PUM3: variants seen among roughly 807,000 people sequenced by gnomAD.
PUM3 encodes the protein pumilio RNA binding family member 3.
PUM3 carries 91 observed loss-of-function variants against 84.0 expected under a neutral mutation model. The ratio of observed to expected loss-of-function variants is 1.08; its 90% CI spans 0.91 to 1.29. PUM3 has a LOEUF of 1.29. PUM3 is among the 50% of genes most tolerant of loss of function. The pLI is 0.00. For synonymous variants in PUM3, 321 were observed against 266.7 expected (o/e 1.20, Z -1.98); for missense variants, 1,067 against 767.5 (o/e 1.39, Z -4.61).
rs1321387772 is a variant in PUM3, at chr9:2,833,387, C to T, written c.486G>A (p.Leu162=). 3 of 1,593,692 alleles carry T rather than the reference C, an allele frequency of 1.9e-6. No individual in the cohort carries two copies. The African/African-American group carries it at 4.0e-5, about 21-fold the overall frequency. Residue 162 remains leucine (L), a synonymous_variant, in exon 5 of 18, where the codon TTG becomes TTA. Coordinates refer to ENST00000397885, the MANE Select transcript of PUM3 (RefSeq NM_014878.5). ...TAATTTTCCCTTGAATCAACTTCTG[C>T]AAATCACTCATTAACTTTACTCTTT... The part of the protein sequence containing the change: ...KEKRVKLMSD[L]QKLIQGKIKT...
intron 13 of PUM3, among the ~76,000 whole-genome samples, chr9:2,815,512 T>C (rs889341683): frequency 6.6e-6 from 1 of 152,222 alleles, no homozygotes; most frequent in Non-Finnish European, 1.5e-5. Flanking sequence ...GTTCAAGCTG[T>C]GTAGCCTTTG....
At chr9:2,810,294 T>TA (rs1424969617) in intron 16 of PUM3, 50 bp downstream of exon 16, 1 of 1,218,166 alleles carries the variant, frequency 8.2e-7, no homozygotes, top group Non-Finnish European at 1.2e-6. Context: ...TGCCAGGAAT[T>TA]ACTGGAATTC....
chr9:2,811,070 C>T (rs560005988), intron 15 of PUM3, among the ~76,000 whole-genome samples: 1 of 152,298 alleles, frequency 6.6e-6, no homozygotes, highest in African/African-American at 2.4e-5. Flanking sequence ...ATCCATGGCC[C>T]ACTTCTCTTC....
intron 10 of PUM3, 22 bp downstream of exon 10, chr9:2,827,051 A>G (rs1815840528): frequency 6.3e-7 from 1 of 1,593,722 alleles, no homozygotes; most frequent in Non-Finnish European, 8.6e-7. Context: ...TTTTAGTTTA[A>G]AAACAAAAAC....
At chr9:2,830,051 C>A in intron 7 of PUM3, 103 bp from the exon 8 acceptor site, 1 of 971,162 alleles carries the variant, frequency 1.0e-6, no homozygotes, top group South Asian at 1.6e-5. Context: ...CAATCTGTGT[C>A]ACTCTGAGGA....
intron 12 of PUM3, among the ~76,000 whole-genome samples, chr9:2,820,660 C>A (rs1202631783): frequency 1.3e-5 from 2 of 151,936 alleles, no homozygotes; most frequent in South Asian, 2.1e-4. Context: ...TGCTCAATTT[C>A]TTTAAAGTGA....
chr9:2,813,509 G>T (rs564657475), intron 13 of PUM3, among the ~76,000 whole-genome samples: 157 of 152,322 alleles, frequency 1.0e-3, no homozygotes, highest in Non-Finnish European at 1.8e-3. Flanking sequence ...TCTGCCAGGG[G>T]ACTCACAGTG....
Position 2,804,291 on chromosome 9 carries a change from A to G in PUM3, c.*40T>C. On this transcript the variant is annotated 3_prime_UTR_variant, in exon 18 of 18. Coordinates refer to ENST00000397885, the MANE Select transcript of PUM3 (RefSeq NM_014878.5). ...TCTGCATTGGGAAACAGAACAGAGA[A>G]CAGAAAAAATCATTCCATCTTGCTC... 1 of 1,599,738 alleles carries G rather than the reference A, an allele frequency of 6.3e-7. No homozygotes were observed. Among genetic ancestry groups the G allele is most frequent in the Non-Finnish European group, 8.5e-7 (1 of 1,173,464 alleles).
chr9:2,830,227 T>C (rs1162732702), intron 7 of PUM3, among the ~76,000 whole-genome samples: 1 of 152,174 alleles, frequency 6.6e-6, no homozygotes, highest in Non-Finnish European at 1.5e-5. Context: ...CTTTTGAAGA[T>C]GGGACTTAAT....
intron 1 of PUM3, among the ~76,000 whole-genome samples, chr9:2,842,540 G>C (rs771129371): frequency 3.9e-5 from 6 of 152,228 alleles, no homozygotes; most frequent in Middle Eastern, 6.8e-3. Context: ...TTCAAATTCA[G>C]TTTAAATGAC....
In PUM3 at chr9:2,837,233, G is replaced by C. The variant is rs201936048; in HGVS notation, c.251C>G (p.Pro84Arg). The change falls in exon 3 of 18, where the codon CCG becomes CGG. Residue 84 changes from proline (P) to arginine (R), a missense_variant. Pro to Arg is a moderately radical substitution (Grantham distance 103). Coordinates refer to ENST00000397885, the MANE Select transcript of PUM3 (RefSeq NM_014878.5). ...GDKSPKNKFQPANKFNKKRKF... is the reference protein window; with the variant it reads ...GDKSPKNKFQRANKFNKKRKF... ...TCTCTTCTTGTTGAATTTATTTGCC[G>C]GCTGGAATTTGTTCTTTGGTGATTT... 6 of 1,614,032 alleles carry C rather than the reference G, an allele frequency of 3.7e-6. No homozygotes were observed. The East Asian group carries it at 1.1e-4, about 30-fold the overall frequency.
chr9:2,829,956 C>A lies in PUM3; in HGVS notation c.678-8G>T. On this transcript the variant is annotated splice_polypyrimidine_tract_variant and splice_region_variant and intron_variant, in intron 7 of 17. Coordinates refer to ENST00000397885, the MANE Select transcript of PUM3 (RefSeq NM_014878.5). ...GCAATCTGTGGTTTACTTCTAAACG[C>A]AACACAATCATGGAAAAATAAATGA... 6.3e-7 allele frequency: 1 copy of A among 1,591,940 alleles called. No homozygotes were observed. The highest frequency in any genetic ancestry group is 8.6e-7 in the Non-Finnish European group (1 of 1,165,454).
chr9:2,826,050 G>C lies in PUM3; in HGVS notation c.1035+1023C>G, dbSNP rs10968362. On this transcript the variant is annotated intron_variant, in intron 10 of 17. Coordinates refer to ENST00000397885, the MANE Select transcript of PUM3 (RefSeq NM_014878.5). ...TTAGGAATCTCTTCAGAGCTATCCA[G>C]ATGGAAAGCCATGCATATATTCCAA... Among the ~76,000 whole-genome samples, 185 of 151,704 alleles carry C rather than the reference G, an allele frequency of 1.2e-3. 1 individual carries two copies. The East Asian group carries it at 0.028, about 23-fold the overall frequency.
chr9:2,823,521 A>C (rs1815725366), intron 12 of PUM3, among the ~76,000 whole-genome samples: 1 of 152,142 alleles, frequency 6.6e-6, no homozygotes, highest in Non-Finnish European at 1.5e-5. Flanking sequence ...AGTAAATATC[A>C]GGTTTTCAAA....
intron 12 of PUM3, among the ~76,000 whole-genome samples, chr9:2,822,723 TATAAC>T (rs1815686367): frequency 9.0e-6 from 1 of 111,320 alleles, no homozygotes. Context: ...TATTTATATT[TATAAC>T]ATAATAATAT....
intron 17 of PUM3, among the ~76,000 whole-genome samples, chr9:2,806,213 T>C (rs1161551088): frequency 6.6e-6 from 1 of 152,230 alleles, no homozygotes; most frequent in African/African-American, 2.4e-5. Flanking sequence ...AATGTGTCAG[T>C]AGGTGTTAAC....
chr9:2,832,949 ATGTT>A (rs1258521252), intron 5 of PUM3, among the ~76,000 whole-genome samples: 1 of 152,224 alleles, frequency 6.6e-6, no homozygotes, highest in Non-Finnish European at 1.5e-5. Context: ...TCTTCGCATG[ATGTT>A]TACAAAAGCA....
chr9:2,830,033 C>G, intron 7 of PUM3, 85 bp from the exon 8 acceptor site: 2 of 1,184,886 alleles, frequency 1.7e-6, no homozygotes, highest in Non-Finnish European at 1.2e-6. Context: ...CTCCCAAGAC[C>G]AACTCATCAA....
rs1815964310 is a variant in PUM3, at chr9:2,831,037, C to CAAA, written c.611-12_611-10dup. ...TAACTCAACCAAATCATCTGAAAAA[C>CAAA]AAAAATACATTACAGTGACTTCAGA... is the stretch of plus-strand genomic sequence containing the variant. On this transcript the variant is annotated splice_polypyrimidine_tract_variant and intron_variant, in intron 6 of 17. Coordinates refer to ENST00000397885, the MANE Select transcript of PUM3 (RefSeq NM_014878.5). 7.2e-7 allele frequency: 1 copy of CAAA among 1,384,440 alleles called. No homozygotes were observed. Among genetic ancestry groups the CAAA allele is most frequent in the Admixed American group, 1.8e-5 (1 of 55,444 alleles). The allele number at this position is 1,384,440 out of a possible 1,614,324, so 85.8% of individuals were successfully genotyped here. A position where few individuals can be genotyped will look rare whatever the true frequency, so the allele number is the denominator to read the frequency against.
Sources: allele counts gnomAD v4.1 joint callset (sites outside exome capture counted in the v4.1 genomes callset), GRCh38; gene constraint gnomAD v4.1.1; transcripts MANE v1.5; gene names NCBI Gene and HGNC (gene_info 2026-07-23, HGNC 2026-07-21).